Variants in IQGAP1 observed in about 807,000 individuals in gnomAD.
The protein encoded by IQGAP1 is IQ motif containing GTPase activating protein 1, also known as ras GTPase-activating-like protein IQGAP1.
In IQGAP1, 66 loss-of-function variants were observed where a neutral mutation model predicts 215.6. That is an observed-to-expected ratio of 0.31 (90% CI 0.25 to 0.38). IQGAP1 has a LOEUF of 0.38. Among genes scored for constraint, IQGAP1 ranks in the 10% least tolerant of loss-of-function variants. The probability of loss-of-function intolerance (pLI) is 1.00; values close to 1 mark genes in which losing one functional copy is unlikely to be tolerated. For synonymous variants in IQGAP1, 772 were observed against 728.7 expected, an observed-to-expected ratio of 1.06 and a Z score of -0.96; for missense variants, 1,712 against 1,997.1, an observed-to-expected ratio of 0.86 and a Z score of 2.72.
intron 2 of IQGAP1, among the ~76,000 whole-genome samples, chr15:90,414,220 G>A (rs930392200): frequency 6.6e-6 from 1 of 152,068 alleles, no homozygotes; most frequent in South Asian, 2.1e-4. Flanking sequence ...TTTGGGAGAT[G>A]GAGAAGGGGG....
chr15:90,474,836 T>G, intron 23 of IQGAP1, 143 bp downstream of exon 23: 5 of 625,282 alleles, frequency 8.0e-6, no homozygotes, highest in Admixed American at 2.8e-5. Context: ...TTCTTTTGAC[T>G]GAGTCTCACT....
intron 5 of IQGAP1, among the ~76,000 whole-genome samples, chr15:90,434,508 G>C (rs925281738): frequency 6.6e-6 from 1 of 151,894 alleles, no homozygotes; most frequent in Non-Finnish European, 1.5e-5. Context: ...AGTAAGAAAT[G>C]ATACAAAATA....
chr15:90,486,211 T>A lies in IQGAP1; in HGVS notation c.4024+79T>A. The A allele has an allele frequency of 3.3e-6, 3 of 906,186 alleles. No homozygotes were observed. In the South Asian group the frequency reaches 4.3e-5, roughly 13 times the overall value. The allele number at this position is 906,186 out of a possible 1,614,324, so 56.1% of individuals were successfully genotyped here. On this transcript the variant is annotated intron_variant, in intron 31 of 37. Transcript: ENST00000268182. ...TTGTAATTGTCACCTCCTCTATTTTTTGCACTATACCAAACTCTGGATATA... is the reference window on the plus strand; with the variant it reads ...TTGTAATTGTCACCTCCTCTATTTTATGCACTATACCAAACTCTGGATATA...
At chr15:90,499,972 GT>G in intron 37 of IQGAP1, 22 bp from the exon 38 acceptor site, 4 of 1,339,986 alleles carry the variant, frequency 3.0e-6, no homozygotes, top group Non-Finnish European at 4.3e-6. Flanking sequence ...GTTTTGTTTT[GT>G]TTTGTTTTGT....
intron 29 of IQGAP1, 81 bp from the exon 30 acceptor site, chr15:90,484,139 G>C: frequency 7.9e-7 from 1 of 1,259,306 alleles, no homozygotes. Flanking sequence ...CACTCATTGT[G>C]TGAGAGGTTT....
intron 2 of IQGAP1, among the ~76,000 whole-genome samples, chr15:90,417,897 G>A (rs1316953725): frequency 6.6e-6 from 1 of 152,060 alleles, no homozygotes. Context: ...ATTGAGCAGT[G>A]GTTTGTAGTT....
intron 5 of IQGAP1, among the ~76,000 whole-genome samples, chr15:90,435,046 A>C (rs1965352308): frequency 6.6e-6 from 1 of 152,228 alleles, no homozygotes; most frequent in South Asian, 2.1e-4. Flanking sequence ...ATCTATAAGA[A>C]GACTATTGTC....
intron 2 of IQGAP1, among the ~76,000 whole-genome samples, chr15:90,412,647 C>T (rs917179965): frequency 2.6e-5 from 4 of 152,148 alleles, no homozygotes; most frequent in Non-Finnish European, 5.9e-5. Flanking sequence ...CTTAGATTTA[C>T]CATTACCATA....
rs75472954 is a variant in IQGAP1 at position 90,486,206 on chromosome 15, A to G, written c.4024+74A>G. ...AAGTGTTGTAATTGTCACCTCCTCT[A>G]TTTTTTGCACTATACCAAACTCTGG... On this transcript the variant is annotated intron_variant, in intron 31 of 37. Transcript: ENST00000268182. The G allele has an allele frequency of 3.9e-3, 3,794 of 974,212 alleles. 69 individuals carry two copies. The African/African-American group carries it at 0.048, about 12-fold the overall frequency. The allele number at this position is 974,212 out of a possible 1,614,324, so 60.3% of individuals were successfully genotyped here. A position where few individuals can be genotyped will look rare whatever the true frequency, so the allele number is the denominator to read the frequency against.
At chr15:90,472,550 C>T (rs568021021) in intron 18 of IQGAP1, among the ~76,000 whole-genome samples, 7 of 152,174 alleles carry the variant, frequency 4.6e-5, no homozygotes, top group Middle Eastern at 3.4e-3. Context: ...TCAGCCAGCA[C>T]AGTGCCCAGC....
chr15:90,487,884 G>A (rs61375260), intron 33 of IQGAP1, among the ~76,000 whole-genome samples: 4,693 of 151,990 alleles, frequency 0.031, 207 homozygotes, highest in African/African-American at 0.1. Flanking sequence ...CCCCACCCCC[G>A]GCCAATACCA....
intron 3 of IQGAP1, among the ~76,000 whole-genome samples, 189 bp from the exon 4 acceptor site, chr15:90,429,400 T>C (rs543146963): frequency 1.3e-5 from 2 of 152,294 alleles, no homozygotes; most frequent in East Asian, 3.9e-4. Context: ...AAGAAGGCTC[T>C]CCAGGTAGTT....
In IQGAP1 at chr15:90,388,332, C is replaced by G. The variant is rs1396275223; in HGVS notation, c.-10C>G. On this transcript the variant is annotated 5_prime_UTR_variant, in exon 1 of 38. Transcript: ENST00000268182. ...ACGGCTTCCTCAGCAGAGACTCGGG[C>G]TCGTCCGCCATGTCCGCCGCAGACG... The G allele has an allele frequency of 6.3e-7, 1 of 1,594,538 alleles. No homozygotes were observed. The highest frequency in any genetic ancestry group is 1.7e-5 in the Admixed American group (1 of 59,158).
At chr15:90,475,300 T>C (rs1319646148) in intron 23 of IQGAP1, among the ~76,000 whole-genome samples, 4 of 152,042 alleles carry the variant, frequency 2.6e-5, no homozygotes. Flanking sequence ...CACCCGGCTT[T>C]TTTGCATTTT....
intron 2 of IQGAP1, among the ~76,000 whole-genome samples, chr15:90,406,048 C>T (rs147457926): frequency 5.1e-4 from 78 of 152,054 alleles, no homozygotes; most frequent in African/African-American, 1.2e-3. Flanking sequence ...TTGCAAAGGA[C>T]GGGAGTGTGG....
Position 90,453,093 on chromosome 15 carries a change from C to G in IQGAP1, c.1327-39C>G, listed in dbSNP as rs755715467. On this transcript the variant is annotated intron_variant, in intron 12 of 37. Coordinates refer to ENST00000268182, the MANE Select transcript of IQGAP1 (RefSeq NM_003870.4). ...TAACTCCCTGGGTCTTGGAGAATGT[C>G]TTTCCTCACTGTTTTCCCTTCTGTC... The G allele has an allele frequency of 8.9e-6, 14 of 1,574,856 alleles. No individual in the cohort carries two copies. The South Asian group carries it at 1.5e-4, about 17-fold the overall frequency.
chr15:90,437,827 C>G (rs1048554372), intron 5 of IQGAP1, among the ~76,000 whole-genome samples: 2 of 152,206 alleles, frequency 1.3e-5, no homozygotes, highest in Non-Finnish European at 2.9e-5. Context: ...GTGTGAGCCA[C>G]TACACCCAGT....
rs948363389 is a variant in IQGAP1 at position 90,429,860 on chromosome 15, A to G, written c.390+194A>G. On this transcript the variant is annotated intron_variant, in intron 4 of 37. Transcript: ENST00000268182. ...CTTTTATAATCCTCATACCTGTTTC[A>G]TCTTACCCTAGAGAAATTCCCTGTG... The G allele has an allele frequency of 1.3e-5, 5 of 396,686 alleles. No homozygotes were observed. In the East Asian group the frequency reaches 2.0e-4, roughly 16 times the overall value. The allele number at this position is 396,686 out of a possible 1,614,324, so 24.6% of individuals were successfully genotyped here. A position where few individuals can be genotyped will look rare whatever the true frequency, so the allele number is the denominator to read the frequency against.
intron 2 of IQGAP1, among the ~76,000 whole-genome samples, chr15:90,394,161 A>C (rs867359351): frequency 7.5e-6 from 1 of 134,122 alleles, no homozygotes; most frequent in Non-Finnish European, 1.6e-5. Flanking sequence ...AAAAAAAGGC[A>C]GTGGAGACAT....
Sources: allele counts gnomAD v4.1 joint callset (sites outside exome capture counted in the v4.1 genomes callset), GRCh38; gene constraint gnomAD v4.1.1; transcripts MANE v1.5; gene names NCBI Gene and HGNC (gene_info 2026-07-23, HGNC 2026-07-21).